The following MSRA variants were observed in gnomAD, a reference collection of about 807,000 sequenced individuals.
MSRA encodes the protein methionine sulfoxide reductase A, also known as mitochondrial peptide methionine sulfoxide reductase.
MSRA carries 54 observed loss-of-function variants against 31.3 expected under a neutral mutation model. The observed-to-expected ratio is 1.73, with a 90% CI of 1.39 to 2.17. MSRA has a LOEUF of 2.17. Among genes scored for constraint, MSRA ranks in the 30% most tolerant of loss-of-function variants. The pLI is 0.00. For missense variants in MSRA, 507 were observed against 300.9 expected, an observed-to-expected ratio of 1.69 and a Z score of -5.07; for synonymous variants, 169 against 116.5, an observed-to-expected ratio of 1.45 and a Z score of -2.90.
intron 4 of MSRA, among the ~76,000 whole-genome samples, chr8:10,316,165 G>C (rs181786926): frequency 0.012 from 1,865 of 151,924 alleles, 20 homozygotes; most frequent in Non-Finnish European, 0.018. Flanking sequence ...TGACCGTATT[G>C]TGTGGCTGTC....
chr8:10,331,161 C>T (rs1278449800), intron 5 of MSRA, among the ~76,000 whole-genome samples: 1 of 152,200 alleles, frequency 6.6e-6, no homozygotes, highest in East Asian at 1.9e-4. Flanking sequence ...TCTCAGCCCC[C>T]AGAACTGTAA....
At chr8:10,116,796 C>T (rs774948318) in intron 1 of MSRA, among the ~76,000 whole-genome samples, 7 of 152,060 alleles carry the variant, frequency 4.6e-5, no homozygotes, top group African/African-American at 7.2e-5. Context: ...GAAGAAGCCC[C>T]GTCTCTACTA....
chr8:10,273,007 C>G (rs1799127859), intron 3 of MSRA, among the ~76,000 whole-genome samples: 1 of 152,086 alleles, frequency 6.6e-6, no homozygotes, highest in Admixed American at 6.5e-5. Context: ...TATAAGCAAT[C>G]ATGAAGAGTG....
chr8:10,221,461 C>G (rs957636843), intron 2 of MSRA, among the ~76,000 whole-genome samples: 1 of 149,786 alleles, frequency 6.7e-6, no homozygotes, highest in Non-Finnish European at 1.5e-5. Flanking sequence ...TATATTTGTT[C>G]TTTACACTTA....
chr8:10,144,134 T>C (rs1802938861), intron 1 of MSRA, among the ~76,000 whole-genome samples: 1 of 152,084 alleles, frequency 6.6e-6, no homozygotes, highest in Non-Finnish European at 1.5e-5. Flanking sequence ...CCACCATCTT[T>C]AGGAAAGTCA....
rs151121409 is a variant in MSRA at position 10,263,880 on chromosome 8, C to T, written c.331+18657C>T. ...TCAAATATAGATACAGAACACATTA[C>T]AAAACTAAGATTTGGTCATTTTAAA... On this transcript the variant is annotated intron_variant, in intron 3 of 5. Transcript: ENST00000317173. Among the ~76,000 whole-genome samples, 8 of 152,312 alleles carry T rather than the reference C, an allele frequency of 5.3e-5. No individual in the cohort carries two copies. In the South Asian group the frequency reaches 1.7e-3, roughly 32 times the overall value.
At chr8:10,194,561 G>GA (rs1459160396) in intron 1 of MSRA, among the ~76,000 whole-genome samples, 2 of 151,972 alleles carry the variant, frequency 1.3e-5, no homozygotes, top group African/African-American at 4.8e-5. Flanking sequence ...ACAGAGTGAG[G>GA]AAAAAAACCA....
At chr8:10,333,453 C>A (rs1203847574) in intron 5 of MSRA, among the ~76,000 whole-genome samples, 1 of 152,150 alleles carries the variant, frequency 6.6e-6, no homozygotes, top group Non-Finnish European at 1.5e-5. Flanking sequence ...ATGCCTCTTC[C>A]GCAAGTCTTT....
At chr8:10,326,006 C>T (rs1315329807) in intron 5 of MSRA, among the ~76,000 whole-genome samples, 1 of 152,192 alleles carries the variant, frequency 6.6e-6, no homozygotes, top group East Asian at 1.9e-4. Context: ...GCCCATGACT[C>T]ATTCTGTTCA....
intron 1 of MSRA, among the ~76,000 whole-genome samples, chr8:10,110,643 C>T (rs763366568): frequency 6.6e-6 from 1 of 152,192 alleles, no homozygotes; most frequent in Non-Finnish European, 1.5e-5. Flanking sequence ...TCCTTCATCT[C>T]CTTGGCAGGA....
At chr8:10,343,277 C>G (rs1427516929) in intron 5 of MSRA, among the ~76,000 whole-genome samples, 5 of 152,214 alleles carry the variant, frequency 3.3e-5, no homozygotes, top group African/African-American at 7.2e-5. Flanking sequence ...TCTGCCTTCA[C>G]AACAGACTGA....
At chr8:10,402,864 A>G (rs1428131614) in intron 5 of MSRA, among the ~76,000 whole-genome samples, 1 of 152,212 alleles carries the variant, frequency 6.6e-6, no homozygotes, top group Non-Finnish European at 1.5e-5. Context: ...CCTGTACTGA[A>G]GGGTCCCAAC....
At chr8:10,356,063 A>G (rs753413130) in intron 5 of MSRA, among the ~76,000 whole-genome samples, 9 of 152,162 alleles carry the variant, frequency 5.9e-5, no homozygotes, top group South Asian at 2.1e-4. Flanking sequence ...AAGGCCCTTC[A>G]TGTATCTGGG....
intron 1 of MSRA, among the ~76,000 whole-genome samples, chr8:10,078,854 A>G (rs1798133063): frequency 6.6e-6 from 1 of 152,224 alleles, no homozygotes; most frequent in Non-Finnish European, 1.5e-5. Flanking sequence ...CCTGCAGCTG[A>G]ATTAACATGG....
At position 10,182,405 on chromosome 8, in the gene MSRA, C is replaced by T. The variant is rs112885250; in HGVS notation, c.143-25428C>T. 2.8e-3 allele frequency among the ~76,000 whole-genome samples: 432 copies of T among 152,188 alleles called. 2 individuals carry two copies. The highest frequency in any genetic ancestry group is 9.8e-3 in the African/African-American group (406 of 41,538). ...TCACAATTTCTGTGGGTCAGGAATC[C>T]GGACACAGCTCAGCTGGGTCCTCTA... On this transcript the variant is annotated intron_variant, in intron 1 of 5. Transcript: ENST00000317173.
chr8:10,402,147 G>A (rs145428863), intron 5 of MSRA, among the ~76,000 whole-genome samples: 4 of 152,304 alleles, frequency 2.6e-5, no homozygotes, highest in South Asian at 2.1e-4. Flanking sequence ...CATTTCGATC[G>A]TGAACATTGC....
chr8:10,296,095 C>T (rs1800527121), intron 3 of MSRA, among the ~76,000 whole-genome samples: 1 of 152,140 alleles, frequency 6.6e-6, no homozygotes, highest in African/African-American at 2.4e-5. Flanking sequence ...GAGTGAGAAT[C>T]TGGGCCTTTC....
intron 3 of MSRA, among the ~76,000 whole-genome samples, chr8:10,292,084 C>G (rs1800266985): frequency 6.6e-6 from 1 of 152,198 alleles, no homozygotes; most frequent in African/African-American, 2.4e-5. Context: ...TTAGCTGTGT[C>G]TAATACCTTT....
intron 5 of MSRA, among the ~76,000 whole-genome samples, chr8:10,370,933 C>T (rs1282533605): frequency 6.6e-6 from 1 of 152,206 alleles, no homozygotes; most frequent in African/African-American, 2.4e-5. Flanking sequence ...TGCTGTCACA[C>T]ACGCTCGTGG....
Sources: gnomAD v4.1 joint callset for allele counts (sites outside exome capture counted in the v4.1 genomes callset) on GRCh38, gnomAD v4.1.1 for gene constraint, MANE v1.5 for transcripts, NCBI Gene and HGNC (gene_info 2026-07-23, HGNC 2026-07-21) for gene names.